HTT: variants seen among roughly 807,000 people sequenced by gnomAD.
HTT encodes huntingtin.
A neutral mutation model predicts 362.3 loss-of-function variants in HTT; 104 were observed. The observed-to-expected ratio is 0.29, with a 90% confidence interval of 0.24 to 0.34. The LOEUF is 0.34. Among genes scored for constraint, HTT ranks in the 10% least tolerant of loss-of-function variants. The pLI, the probability that HTT is intolerant of heterozygous loss-of-function variation, is 1.00. For synonymous variants in HTT, 1,577 were observed against 1,548.7 expected (o/e 1.02, Z -0.43); for missense variants, 3,301 against 3,928.6 (o/e 0.84, Z 4.27).
At chr4:3,205,548 ATAAGT>A (rs1719815466) in intron 42 of HTT, among the ~76,000 whole-genome samples, 1 of 152,200 alleles carries the variant, frequency 6.6e-6, no homozygotes, top group Non-Finnish European at 1.5e-5. Context: ...TACTAATTTT[ATAAGT>A]TAATAAAGTT....
chr4:3,156,107 T>C (rs1717132237), intron 27 of HTT, among the ~76,000 whole-genome samples: 1 of 152,108 alleles, frequency 6.6e-6, no homozygotes, highest in Non-Finnish European at 1.5e-5. Flanking sequence ...AAATGAAATT[T>C]TGTATCCTTG....
chr4:3,194,919 G>C (rs1053782639), intron 40 of HTT, among the ~76,000 whole-genome samples: 1 of 152,184 alleles, frequency 6.6e-6, no homozygotes, highest in African/African-American at 2.4e-5. Context: ...TTTCTCATGG[G>C]TATGTGGTAG....
At chr4:3,178,149 G>T (rs998824587) in intron 34 of HTT, 149 bp from the exon 35 acceptor site, 137 of 636,648 alleles carry the variant, frequency 2.2e-4, no homozygotes, top group Non-Finnish European at 7.7e-5. Flanking sequence ...ATGCACTGTG[G>T]CAGGGGTGGG....
chr4:3,177,190 G>A (rs1454522788), intron 33 of HTT, 142 bp from the exon 34 acceptor site: 12 of 668,310 alleles, frequency 1.8e-5, no homozygotes, highest in Non-Finnish European at 2.9e-5. Context: ...GCTGATTTCA[G>A]AATAGAGTTA....
intron 49 of HTT, 38 bp from the exon 50 acceptor site, chr4:3,213,920 C>T: frequency 6.8e-7 from 1 of 1,474,444 alleles, no homozygotes; most frequent in Non-Finnish European, 9.1e-7. Flanking sequence ...AACGAAGGTA[C>T]ACGAGTGGGC....
Position 3,175,686 on chromosome 4 carries a change from G to T in HTT, c.4407+579G>T, listed in dbSNP as rs556578486. Among the ~76,000 whole-genome samples the T allele has an allele frequency of 4.6e-5, 7 of 152,284 alleles. No individual in the cohort carries two copies. In the South Asian group the frequency reaches 1.4e-3, roughly 32 times the overall value. The stretch of plus-strand genomic sequence containing the variant: ...CCTCCTATAGTTGCTGTGGGCACCA[G>T]ATTCTGGCTAGTCCTGTCCCTTCAT... On this transcript the variant is annotated intron_variant, in intron 33 of 66. Transcript: ENST00000355072.
rs1316852819 is a variant in HTT, at chr4:3,218,303, TAC to T, written c.7242+355_7242+356del. Among the ~76,000 whole-genome samples, 1 of 152,246 alleles carries T rather than the reference TAC, an allele frequency of 6.6e-6. No homozygotes were observed. The highest frequency in any genetic ancestry group is 1.5e-5 in the Non-Finnish European group (1 of 68,038). ...CCTTTGGAGATAATTCATGTTTTTC[TAC>T]ACAGTTTTGCAGTTGTCTTCAGAAT... is the stretch of plus-strand genomic sequence containing the variant. On this transcript the variant is annotated intron_variant, in intron 52 of 66. Coordinates refer to ENST00000355072, the MANE Select transcript of HTT (RefSeq NM_001388492.1). This position sits in a 1 kb window ranked among gnomAD's most constrained non-coding sequence, Gnocchi z 4.4.
At chr4:3,109,685 T>G (rs2110165892) in intron 6 of HTT, among the ~76,000 whole-genome samples, 1 of 152,296 alleles carries the variant, frequency 6.6e-6, no homozygotes, top group South Asian at 2.1e-4. Context: ...TTGATTGTGT[T>G]TCTTATTTGA....
intron 38 of HTT, 24 bp downstream of exon 38, chr4:3,186,743 A>G (rs1183773787): frequency 1.9e-6 from 3 of 1,609,090 alleles, no homozygotes; most frequent in Non-Finnish European, 2.5e-6. Flanking sequence ...CTGGCTCAGC[A>G]GATGAATCTG....
At chr4:3,221,699 G>A (rs759058408) in intron 53 of HTT, among the ~76,000 whole-genome samples, 17 of 152,156 alleles carry the variant, frequency 1.1e-4, no homozygotes, top group Non-Finnish European at 2.2e-4. Context: ...TCATGATGGG[G>A]ACATGAAGCA....
chr4:3,084,448 G>T (rs1713091352), intron 1 of HTT, among the ~76,000 whole-genome samples: 4 of 152,044 alleles, frequency 2.6e-5, no homozygotes, highest in Admixed American at 2.6e-4. Context: ...CAGCACTTTT[G>T]GGAGGCCAAG....
At chr4:3,239,576 G>A (rs1056851462) in intron 66 of HTT, among the ~76,000 whole-genome samples, 3 of 152,222 alleles carry the variant, frequency 2.0e-5, no homozygotes, top group African/African-American at 7.2e-5. Flanking sequence ...CGGAAGCACC[G>A]GCCACCAGCG....
In HTT at chr4:3,086,993, A is replaced by C. The variant is rs140019482; in HGVS notation, c.318A>C (p.Ile106=). 1.4e-4 allele frequency: 231 copies of C among 1,605,438 alleles called. 1 individual carries two copies. The African/African-American group carries it at 3.0e-3, about 21-fold the overall frequency. ...ACCGTGTGAATCATTGTCTGACAAT[A>C]TGTGAAAACATAGTGGCACAGTCTG... The part of the protein sequence containing the change: ...KKDRVNHCLT[I]CENIVAQSVR... The change falls in exon 2 of 67, where the codon ATA becomes ATC. Residue 106 remains isoleucine, a synonymous_variant. Coordinates refer to ENST00000355072, the MANE Select transcript of HTT (RefSeq NM_001388492.1).
chr4:3,108,097 C>T (rs1714530302), intron 6 of HTT, among the ~76,000 whole-genome samples: 1 of 152,152 alleles, frequency 6.6e-6, no homozygotes, highest in African/African-American at 2.4e-5. Context: ...AAGCTATTTC[C>T]TTCGTATTCT....
intron 9 of HTT, among the ~76,000 whole-genome samples, chr4:3,122,322 C>G (rs956416370): frequency 6.6e-6 from 1 of 152,238 alleles, no homozygotes; most frequent in Non-Finnish European, 1.5e-5. Context: ...CTTCTGCTGA[C>G]TCCGGCCTCT....
intron 29 of HTT, among the ~76,000 whole-genome samples, chr4:3,163,826 T>A (rs1717565077): frequency 6.6e-6 from 1 of 152,158 alleles, no homozygotes; most frequent in Admixed American, 6.5e-5. Flanking sequence ...TCTTTATTAG[T>A]CTTGCTAGCG....
intron 29 of HTT, among the ~76,000 whole-genome samples, chr4:3,169,429 C>T (rs901530231): frequency 6.6e-6 from 1 of 152,144 alleles, no homozygotes; most frequent in African/African-American, 2.4e-5. Flanking sequence ...CCATAGCTTA[C>T]TGATGCTCTT....
Position 3,243,259 on chromosome 4 carries a change from T to C in HTT, c.*3200T>C, listed in dbSNP as rs1578625899. 6.5e-6 allele frequency: 1 copy of C among 152,760 alleles called. No homozygotes were observed. Among genetic ancestry groups the C allele is most frequent in the Admixed American group, 6.5e-5 (1 of 15,304 alleles). 9.5% of individuals were successfully genotyped at this position (152,760 alleles called of 1,614,324 possible). ...CTGGTGGGTGGAGTCAGGCTTCTCT[T>C]GCTACCTGTGAGCATCCTTCCCAGC... On this transcript the variant is annotated 3_prime_UTR_variant, in exon 67 of 67. Transcript: ENST00000355072.
At chr4:3,182,124 G>C (rs1718550928) in intron 36 of HTT, among the ~76,000 whole-genome samples, 1 of 152,208 alleles carries the variant, frequency 6.6e-6, no homozygotes, top group Non-Finnish European at 1.5e-5. Flanking sequence ...CCTGAGCAAA[G>C]TGTGCACCTT....
Sources: allele counts gnomAD v4.1 joint callset (sites outside exome capture counted in the v4.1 genomes callset), GRCh38; gene constraint gnomAD v4.1.1; non-coding constraint Gnocchi (gnomAD v3.1); transcripts MANE v1.5; gene names NCBI Gene and HGNC (gene_info 2026-07-23, HGNC 2026-07-21).